The following KLF8 variants were observed in gnomAD, a reference collection of about 807,000 sequenced individuals.
The protein encoded by KLF8 is Krueppel-like factor 8.
KLF8 carries 10 observed loss-of-function variants against 18.2 expected under a neutral mutation model. The ratio of observed to expected loss-of-function variants is 0.55; its 90% confidence interval spans 0.34 to 0.93. The LOEUF (loss-of-function observed/expected upper bound fraction) is 0.93. Ranked by LOEUF, KLF8 falls within the 40% of genes least tolerant of loss-of-function variation. The probability of loss-of-function intolerance (pLI) is 0.02; values close to 1 mark genes in which losing one functional copy is unlikely to be tolerated. For synonymous variants in KLF8, 109 were observed against 97.3 expected, an observed-to-expected ratio of 1.12 and a Z score of -0.71; for missense variants, 264 against 277.9, an observed-to-expected ratio of 0.95 and a Z score of 0.36.
chrX:56,266,382 T>A, intron 3 of KLF8: 1 of 724,196 alleles, frequency 1.4e-6, no homozygotes, highest in East Asian at 1.5e-4. Context: ...TCACAAGAGT[T>A]TGGGCATTAT....
chrX:56,157,758 T>C, the KLF8 span, among the ~76,000 whole-genome samples: 1 of 111,759 alleles, frequency 8.9e-6, no homozygotes, highest in South Asian at 3.7e-4. Flanking sequence ...TCTTGTAAAT[T>C]TGTTTGAGTT....
At chrX:56,035,937 T>C in the KLF8 span, among the ~76,000 whole-genome samples, 7 of 112,072 alleles carry the variant, frequency 6.2e-5, no homozygotes, top group South Asian at 7.3e-4. Flanking sequence ...TTTCACTTTG[T>C]TGATTGTTTC....
At chrX:56,076,985 GTTGT>G in the KLF8 span, among the ~76,000 whole-genome samples, 1 of 111,520 alleles carries the variant, frequency 9.0e-6, no homozygotes, top group Non-Finnish European at 1.9e-5. Flanking sequence ...TTTTGACGGG[GTTGT>G]TTGTTTTTTT....
chrX:56,107,275 G>A, the KLF8 span, among the ~76,000 whole-genome samples: 3 of 112,299 alleles, frequency 2.7e-5, no homozygotes, highest in South Asian at 7.4e-4. Context: ...GGACATTTAA[G>A]TCTGCAGAAG....
the KLF8 span, among the ~76,000 whole-genome samples, chrX:55,955,569 A>T: frequency 9.0e-6 from 1 of 111,602 alleles, no homozygotes; most frequent in African/African-American, 3.3e-5. Context: ...TGGGGTATAA[A>T]TTGAGCAAAC....
the KLF8 span, among the ~76,000 whole-genome samples, chrX:55,992,522 A>C: frequency 2.7e-4 from 30 of 111,923 alleles, no homozygotes; most frequent in East Asian, 2.8e-4. Flanking sequence ...CATTTAAGTC[A>C]GGTAGAGTGG....
At chrX:56,143,536 T>C in the KLF8 span, among the ~76,000 whole-genome samples, 1 of 112,190 alleles carries the variant, frequency 8.9e-6, no homozygotes, top group African/African-American at 3.2e-5. Flanking sequence ...TCAAAGAAGA[T>C]ATGATAGATG....
chrX:56,030,132 CCTT>C, the KLF8 span, among the ~76,000 whole-genome samples: 1 of 112,074 alleles, frequency 8.9e-6, no homozygotes, highest in Non-Finnish European at 1.9e-5. Context: ...GGGCTTTCCT[CCTT>C]TCCTTGGATG....
chrX:56,026,695 GC>G, the KLF8 span, among the ~76,000 whole-genome samples: 1 of 111,744 alleles, frequency 8.9e-6, no homozygotes, highest in Non-Finnish European at 1.9e-5. Flanking sequence ...ACAAATGCTG[GC>G]CCAATATCTG....
intron 1 of KLF8, among the ~76,000 whole-genome samples, chrX:56,236,925 G>A (rs764506613): frequency 2.9e-5 from 3 of 102,203 alleles, no homozygotes; most frequent in Non-Finnish European, 3.9e-5. Context: ...CAAAGATAAT[G>A]TGAAATCATG....
the KLF8 span, among the ~76,000 whole-genome samples, chrX:56,171,571 G>T: frequency 1.8e-5 from 2 of 110,688 alleles, no homozygotes. Flanking sequence ...CCCACCCTGT[G>T]TCCAAGTGTT....
chrX:56,244,080 G>A (rs1355101365), intron 1 of KLF8, among the ~76,000 whole-genome samples: 1 of 112,218 alleles, frequency 8.9e-6, no homozygotes, highest in Non-Finnish European at 1.9e-5. Flanking sequence ...CATTATAGCT[G>A]CTTTATGTCT....
intron 1 of KLF8, among the ~76,000 whole-genome samples, chrX:56,245,001 G>A (rs2066604724): frequency 8.9e-6 from 1 of 112,185 alleles, no homozygotes; most frequent in Non-Finnish European, 1.9e-5. Flanking sequence ...ATTTGAGTCA[G>A]AGGACTAAAG....
chrX:56,058,819 C>T, the KLF8 span, among the ~76,000 whole-genome samples: 26 of 111,333 alleles, frequency 2.3e-4, no homozygotes, highest in East Asian at 7.4e-3. Flanking sequence ...CATATGTGTC[C>T]GTGTGTCTTT....
At chrX:56,231,296 C>T (rs1426599680), upstream of KLF8, among the ~76,000 whole-genome samples, 1 of 111,687 alleles carries the variant, frequency 9.0e-6, no homozygotes, top group Non-Finnish European at 1.9e-5. Context: ...GACATTCAGG[C>T]AGAAATATCA....
At chrX:56,048,080 T>C in the KLF8 span, among the ~76,000 whole-genome samples, 2 of 112,300 alleles carry the variant, frequency 1.8e-5, no homozygotes, top group Middle Eastern at 9.2e-3. Context: ...GAGAAGTGTC[T>C]GTTCATATCC....
chrX:55,947,705 T>C, the KLF8 span, among the ~76,000 whole-genome samples: 2 of 111,623 alleles, frequency 1.8e-5, no homozygotes, highest in African/African-American at 3.3e-5. Context: ...ATCTTTTTCT[T>C]TGAGTTTTGT....
intron 5 of KLF8, among the ~76,000 whole-genome samples, chrX:56,277,259 T>C (rs773043480): frequency 9.0e-6 from 1 of 111,720 alleles, no homozygotes; most frequent in Non-Finnish European, 1.9e-5. Context: ...AGGTATTTAT[T>C]GTAGTCTTCA....
chrX:56,214,255 C>T, the KLF8 span, among the ~76,000 whole-genome samples: 1 of 112,164 alleles, frequency 8.9e-6, no homozygotes, highest in Admixed American at 9.4e-5. Flanking sequence ...TCAGTTTGGG[C>T]TGATCTTCCA....
Sources: gnomAD v4.1 joint callset for allele counts (sites outside exome capture counted in the v4.1 genomes callset) on GRCh38, gnomAD v4.1.1 for gene constraint, MANE v1.5 for transcripts, NCBI Gene and HGNC (gene_info 2026-07-23, HGNC 2026-07-21) for gene names.